CACNB1: variants seen among roughly 807,000 people sequenced by gnomAD.
CACNB1 encodes the protein calcium voltage-gated channel auxiliary subunit beta 1.
A neutral mutation model predicts 71.6 loss-of-function variants in CACNB1; 29 were observed. The observed-to-expected ratio is 0.40, with a 90% CI of 0.30 to 0.55. CACNB1 has a LOEUF of 0.55. Among genes scored for constraint, CACNB1 ranks in the 20% least tolerant of loss-of-function variants. The pLI is 0.38. For missense variants in CACNB1, 623 were observed against 801.8 expected, an observed-to-expected ratio of 0.78 and a Z score of 2.69; for synonymous variants, 300 against 319.6, an observed-to-expected ratio of 0.94 and a Z score of 0.65.
In CACNB1 at chr17:39,177,901, C is replaced by G. The variant is rs2045629011; in HGVS notation, c.1146+83G>C. The G allele has an allele frequency of 6.3e-6, 7 of 1,110,332 alleles. No individual in the cohort carries two copies. The East Asian group carries it at 1.4e-4, about 22-fold the overall frequency. 68.8% of individuals were successfully genotyped at this position (1,110,332 alleles called of 1,614,324 possible). A position where few individuals can be genotyped will look rare whatever the true frequency, so the allele number is the denominator to read the frequency against. On this transcript the variant is annotated intron_variant, in intron 12 of 13. Coordinates refer to ENST00000394303, the MANE Select transcript of CACNB1 (RefSeq NM_000723.5). ...GCCTGACCCAGGTGTTCCTGGTCAC[C>G]CTGTCTCTCATGTAGGCCAGAGGAA... is the stretch of plus-strand genomic sequence containing the variant.
intron 1 of CACNB1, 34 bp from the exon 2 acceptor site, chr17:39,195,004 C>A: frequency 6.9e-7 from 1 of 1,459,370 alleles, no homozygotes; most frequent in Non-Finnish European, 9.5e-7. Context: ...AGAGTAGAAT[C>A]AGAAGGGCCC....
At chr17:39,176,066 G>A (rs1187904223) in intron 13 of CACNB1, among the ~76,000 whole-genome samples, 3 of 152,126 alleles carry the variant, frequency 2.0e-5, no homozygotes, top group African/African-American at 7.2e-5. Context: ...ATATATTAAC[G>A]GGATTTCAGC....
At chr17:39,187,247 G>T (rs558155882) in intron 4 of CACNB1, 45 of 612,538 alleles carry the variant, frequency 7.3e-5, no homozygotes, top group Non-Finnish European at 1.3e-4. Context: ...CTGGCACACC[G>T]CCATGCCAGT....
At chr17:39,177,755 G>A (rs1467872400) in intron 12 of CACNB1, among the ~76,000 whole-genome samples, 3 of 152,162 alleles carry the variant, frequency 2.0e-5, no homozygotes, top group African/African-American at 7.2e-5. Flanking sequence ...CTAGAGATAA[G>A]GCAACCAAGG....
rs750644399 is a variant in CACNB1 at position 39,183,694 on chromosome 17, G to A, written c.1050+19C>T. ...TTCAAACCACGCTGTCCTGGCCAGG[G>A]TCAGGCTCCTGCACCCACCTTGGGA... On this transcript the variant is annotated intron_variant, in intron 11 of 13. Coordinates refer to ENST00000394303, the MANE Select transcript of CACNB1 (RefSeq NM_000723.5). 8 of 1,566,956 alleles carry A rather than the reference G, an allele frequency of 5.1e-6. No homozygotes were observed. The highest frequency in any genetic ancestry group is 6.9e-6 in the Non-Finnish European group (8 of 1,153,020).
chr17:39,186,150 GAGA>G lies in CACNB1; in HGVS notation c.628+343_628+345del, dbSNP rs752947066. ...AGAGGGAGGAGGGAGGCGAGGTGGG[GAGA>G]AGGAGTGAGATGAACGTGGAGACAC... On this transcript the variant is annotated intron_variant, in intron 6 of 13. Coordinates refer to ENST00000394303, the MANE Select transcript of CACNB1 (RefSeq NM_000723.5). This position sits in a 1 kb window ranked among gnomAD's most constrained non-coding sequence, Gnocchi z 4.1. 8 of 1,527,556 alleles carry G rather than the reference GAGA, an allele frequency of 5.2e-6. No individual in the cohort carries two copies. The highest frequency in any genetic ancestry group is 4.5e-5 in the East Asian group (2 of 44,434). 94.6% of individuals were successfully genotyped at this position (1,527,556 alleles called of 1,614,324 possible).
In CACNB1 at chr17:39,175,293, C is replaced by T. The variant is rs376513858; in HGVS notation, c.1697G>A (p.Gly566Asp). The part of the protein sequence containing the change: ...EEELTDNRNR[G>D]RNKARYCAEG... The stretch of plus-strand genomic sequence containing the variant: ...AGCGCAGTAGCGGGCCTTATTCCGG[C>T]CCCGGTTCCGGTTGTCGGTCAGCTC... The change falls in exon 14 of 14, where the codon GGC (glycine) becomes GAC (aspartate). Residue 566 changes from glycine (G) to aspartate (D), a missense_variant. Physicochemically the swap from Gly to Asp is moderately conservative, Grantham distance 94 (BLOSUM62 -1). Transcript: ENST00000394303. This position sits in a 1 kb window ranked among gnomAD's most constrained non-coding sequence, Gnocchi z 4.7. The T allele has an allele frequency of 2.5e-6, 4 of 1,614,074 alleles. No individual in the cohort carries two copies. In the African/African-American group the frequency reaches 5.3e-5, roughly 22 times the overall value.
intron 2 of CACNB1, chr17:39,192,061 C>T (rs996629812): frequency 8.0e-5 from 14 of 176,028 alleles, no homozygotes; most frequent in East Asian, 1.9e-4. Context: ...CGGCCTGCTC[C>T]GCAGGATGGG....
At chr17:39,187,750 A>C in intron 3 of CACNB1, 149 bp from the exon 4 acceptor site, 1 of 951,428 alleles carries the variant, frequency 1.1e-6, no homozygotes, top group Non-Finnish European at 1.6e-6. Flanking sequence ...GTGGTGGCTC[A>C]CACCTGTATT....
At position 39,188,260 on chromosome 17, in the gene CACNB1, A is replaced by G. The variant is rs554088078; in HGVS notation, c.292-659T>C. Among the ~76,000 whole-genome samples, 4 of 151,820 alleles carry G rather than the reference A, an allele frequency of 2.6e-5. No individual in the cohort carries two copies. The East Asian group carries it at 7.8e-4, about 30-fold the overall frequency. ...ATGGCACCACTGCACTCCAGCCTGGATGACGGAGCAAGACTCTGTCTAAAA... is the reference window on the plus strand; with the variant it reads ...ATGGCACCACTGCACTCCAGCCTGGGTGACGGAGCAAGACTCTGTCTAAAA... On this transcript the variant is annotated intron_variant, in intron 3 of 13. Coordinates refer to ENST00000394303, the MANE Select transcript of CACNB1 (RefSeq NM_000723.5).
chr17:39,187,747 C>T, intron 3 of CACNB1, 146 bp from the exon 4 acceptor site: 2 of 959,578 alleles, frequency 2.1e-6, no homozygotes, highest in South Asian at 1.6e-5. Context: ...GGTGTGGTGG[C>T]TCACACCTGT....
chr17:39,174,877 AAG>A lies in CACNB1; in HGVS notation c.*314_*315del, dbSNP rs892022751. The A allele has an allele frequency of 5.0e-5, 15 of 299,118 alleles. No homozygotes were observed. Among genetic ancestry groups the A allele is most frequent in the Non-Finnish European group, 7.5e-5 (12 of 159,834 alleles). 18.5% of individuals were successfully genotyped at this position (299,118 alleles called of 1,614,324 possible). On this transcript the variant is annotated 3_prime_UTR_variant, in exon 14 of 14. Coordinates refer to ENST00000394303, the MANE Select transcript of CACNB1 (RefSeq NM_000723.5). ...ACCGTCACTTAGGGCCCCGAGTAGA[AAG>A]AGTTAAGGAAGTGCACCTTTTCTCT... is the stretch of plus-strand genomic sequence containing the variant.
intron 11 of CACNB1, among the ~76,000 whole-genome samples, chr17:39,180,966 C>G (rs929060170): frequency 2.6e-5 from 4 of 152,008 alleles, no homozygotes; most frequent in African/African-American, 7.2e-5. Context: ...GAAGAATATT[C>G]AAAAAATAAG....
chr17:39,197,479 C>CTGG lies in CACNB1; in HGVS notation c.14_16dup (p.Thr5dup). Reference sequence around the variant, plus strand: ...GGGTGGGTAAGGGCCCCGGGACATGCTGGTCTTCTGGACCATGGAGAGGAG... The same window carrying CTGG: ...GGGTGGGTAAGGGCCCCGGGACATGCTGGTGGTCTTCTGGACCATGGAGAGGAG... On this transcript the variant is annotated inframe_insertion, in exon 1 of 14. Transcript: ENST00000394303. The CTGG allele has an allele frequency of 6.7e-7, 1 of 1,491,384 alleles. No individual in the cohort carries two copies. The highest frequency in any genetic ancestry group is 8.9e-7 in the Non-Finnish European group (1 of 1,123,976). 92.4% of individuals were successfully genotyped at this position (1,491,384 alleles called of 1,614,324 possible). A position where few individuals can be genotyped will look rare whatever the true frequency, so the allele number is the denominator to read the frequency against.
chr17:39,191,381 T>C, intron 3 of CACNB1, 93 bp downstream of exon 3: 1 of 1,332,626 alleles, frequency 7.5e-7, no homozygotes. Flanking sequence ...AGTGGCTGGG[T>C]CAAGACTTGG....
At chr17:39,177,282 C>G in intron 13 of CACNB1, 68 bp downstream of exon 13, 1 of 1,608,936 alleles carries the variant, frequency 6.2e-7, no homozygotes. Context: ...CACCACACTG[C>G]CCCGCTGTGA....
chr17:39,177,084 G>T (rs2045597727), intron 13 of CACNB1: 1 of 1,390,284 alleles, frequency 7.2e-7, no homozygotes. Context: ...CCAGGCCCAG[G>T]AAGACAGCAC....
At position 39,188,259 on chromosome 17, in the gene CACNB1, G is replaced by C. The variant is rs371418551; in HGVS notation, c.292-658C>G. The stretch of plus-strand genomic sequence containing the variant: ...GATGGCACCACTGCACTCCAGCCTG[G>C]ATGACGGAGCAAGACTCTGTCTAAA... On this transcript the variant is annotated intron_variant, in intron 3 of 13. Coordinates refer to ENST00000394303, the MANE Select transcript of CACNB1 (RefSeq NM_000723.5). Among the ~76,000 whole-genome samples, 20 of 152,024 alleles carry C rather than the reference G, an allele frequency of 1.3e-4. No homozygotes were observed. In the East Asian group the frequency reaches 2.7e-3, roughly 21 times the overall value.
Position 39,183,337 on chromosome 17 carries a change from A to AAAGAAG in CACNB1, c.1050+370_1050+375dup, listed in dbSNP as rs35982951. Among the ~76,000 whole-genome samples, 16 of 130,288 alleles carry AAAGAAG rather than the reference A, an allele frequency of 1.2e-4. 1 individual carries two copies. Among genetic ancestry groups the AAAGAAG allele is most frequent in the South Asian group, 4.5e-4 (2 of 4,454 alleles). The allele number at this position is 130,288 out of a possible 152,430, so 85.5% of individuals were successfully genotyped here. Reference sequence around the variant, plus strand: ...ACAGAGCGAGATCCTGACTTAAAAAAAAGAAGAAGAAGAAGAAGAAGAAGA... The same window carrying AAAGAAG: ...ACAGAGCGAGATCCTGACTTAAAAAAAAGAAGAAGAAGAAGAAGAAGAAGAAGAAGA... On this transcript the variant is annotated intron_variant, in intron 11 of 13. Transcript: ENST00000394303.
Sources: allele counts gnomAD v4.1 joint callset (sites outside exome capture counted in the v4.1 genomes callset), GRCh38; gene constraint gnomAD v4.1.1; non-coding constraint Gnocchi (gnomAD v3.1); transcripts MANE v1.5; gene names NCBI Gene and HGNC (gene_info 2026-07-23, HGNC 2026-07-21).